Variants in TNNI3K observed in about 807,000 individuals in gnomAD.
TNNI3K encodes TNNI3 interacting kinase.
In TNNI3K, 140 loss-of-function variants were observed where a neutral mutation model predicts 114.5. The ratio of observed to expected loss-of-function variants is 1.22; its 90% CI spans 1.07 to 1.41. TNNI3K has a LOEUF of 1.41. Among genes scored for constraint, TNNI3K ranks in the 40% most tolerant of loss-of-function variants. The pLI, the probability that TNNI3K is intolerant of heterozygous loss-of-function variation, is 0.00. For missense variants in TNNI3K, 1,125 were observed against 1,007.6 expected (o/e 1.12, Z -1.58); for synonymous variants, 347 against 347.5 (o/e 1.00, Z 0.02).
intron 7 of TNNI3K, among the ~76,000 whole-genome samples, chr1:74,341,316 G>C (rs1486804890): frequency 6.6e-6 from 1 of 152,108 alleles, no homozygotes; most frequent in Non-Finnish European, 1.5e-5. Context: ...ATGGACATTA[G>C]TAAAAAGGTT....
At chr1:74,259,361 T>C (rs1212254360) in intron 4 of TNNI3K, among the ~76,000 whole-genome samples, 1 of 152,206 alleles carries the variant, frequency 6.6e-6, no homozygotes, top group African/African-American at 2.4e-5. Context: ...GAGGGCAGAA[T>C]ATGGATGTCT....
chr1:74,436,599 G>T, intron 19 of TNNI3K, 73 bp downstream of exon 19: 4 of 1,475,274 alleles, frequency 2.7e-6, no homozygotes, highest in Middle Eastern at 1.8e-4. Flanking sequence ...GAGGACGTAA[G>T]ATGAGAGCAG....
chr1:74,467,445 G>T (rs1667727190), intron 21 of TNNI3K, among the ~76,000 whole-genome samples: 5 of 151,828 alleles, frequency 3.3e-5, no homozygotes, highest in Admixed American at 3.3e-4. Flanking sequence ...ATTGAGGAGA[G>T]TAAGAAGAAT....
At position 74,349,565 on chromosome 1, in the gene TNNI3K, C is replaced by T. The variant is rs542301981; in HGVS notation, c.933-3701C>T. 3.3e-5 allele frequency among the ~76,000 whole-genome samples: 5 copies of T among 152,270 alleles called. No homozygotes were observed. The East Asian group carries it at 9.6e-4, about 29-fold the overall frequency. ...GGAATGGTACCAGCTCCTCCTTGTACCTCTGGTAGAATTCGGCTGTGAATC... is the reference window on the plus strand; with the variant it reads ...GGAATGGTACCAGCTCCTCCTTGTATCTCTGGTAGAATTCGGCTGTGAATC... On this transcript the variant is annotated intron_variant, in intron 9 of 24. Coordinates refer to ENST00000326637, the MANE Select transcript of TNNI3K (RefSeq NM_015978.3).
intron 23 of TNNI3K, among the ~76,000 whole-genome samples, chr1:74,501,352 TA>T (rs1365904484): frequency 3.3e-5 from 5 of 152,204 alleles, no homozygotes; most frequent in Non-Finnish European, 7.3e-5. Flanking sequence ...CAGGAGAGTT[TA>T]AAAAAAGCTG....
chr1:74,417,867 A>C (rs903729180), intron 17 of TNNI3K, among the ~76,000 whole-genome samples: 3 of 152,072 alleles, frequency 2.0e-5, no homozygotes, highest in Non-Finnish European at 4.4e-5. Context: ...TAGATTTGAA[A>C]GTTTTTAAGT....
At chr1:74,475,128 AC>A (rs1438861018) in intron 21 of TNNI3K, among the ~76,000 whole-genome samples, 5 of 150,914 alleles carry the variant, frequency 3.3e-5, no homozygotes, top group African/African-American at 1.2e-4. Context: ...ACACACACAC[AC>A]ACACACACAC....
chr1:74,409,235 T>G (rs1035559388), intron 17 of TNNI3K, among the ~76,000 whole-genome samples: 1 of 152,116 alleles, frequency 6.6e-6, no homozygotes, highest in Non-Finnish European at 1.5e-5. Context: ...CAGAACCCAG[T>G]ATTCAAACCT....
chr1:74,246,843 G>GA (rs1161142105), intron 2 of TNNI3K, among the ~76,000 whole-genome samples: 2 of 152,106 alleles, frequency 1.3e-5, no homozygotes, highest in Non-Finnish European at 2.9e-5. Flanking sequence ...TTTCAAAGTG[G>GA]AAAAAATCAT....
intron 5 of TNNI3K, among the ~76,000 whole-genome samples, chr1:74,274,083 G>C (rs2100899632): frequency 6.6e-6 from 1 of 151,862 alleles, no homozygotes; most frequent in Middle Eastern, 3.4e-3. Flanking sequence ...CTGCTGATTG[G>C]AAGCCTTATT....
At chr1:74,430,674 G>A (rs893317899) in intron 17 of TNNI3K, among the ~76,000 whole-genome samples, 1 of 152,088 alleles carries the variant, frequency 6.6e-6, no homozygotes, top group African/African-American at 2.4e-5. Context: ...GTGAAAGACA[G>A]ACACTTCAAA....
chr1:74,249,153 C>T (rs377594789), intron 2 of TNNI3K, among the ~76,000 whole-genome samples: 32 of 151,098 alleles, frequency 2.1e-4, no homozygotes, highest in African/African-American at 7.8e-4. Flanking sequence ...CTTGGTTTTA[C>T]TTGTCTTTAA....
chr1:74,345,612 C>T (rs938898836), intron 9 of TNNI3K, among the ~76,000 whole-genome samples: 7 of 152,080 alleles, frequency 4.6e-5, no homozygotes, highest in Non-Finnish European at 1.0e-4. Flanking sequence ...TTTTCTAGAA[C>T]CAAGTCCCTA....
In TNNI3K at chr1:74,332,870, A is replaced by G. The variant is rs578138761; in HGVS notation, c.543+1322A>G. ...TAACTCTAAAGTCTGCTGATTTTCA[A>G]CCTTAACATATCAAAAGACAAAATT... On this transcript the variant is annotated intron_variant, in intron 6 of 24. Coordinates refer to ENST00000326637, the MANE Select transcript of TNNI3K (RefSeq NM_015978.3). Among the ~76,000 whole-genome samples the G allele has an allele frequency of 4.2e-4, 64 of 151,622 alleles. 1 individual carries two copies. In the South Asian group the frequency reaches 0.013, roughly 30 times the overall value.
intron 5 of TNNI3K, among the ~76,000 whole-genome samples, chr1:74,302,094 G>C (rs1658363011): frequency 6.6e-6 from 1 of 152,182 alleles, no homozygotes; most frequent in African/African-American, 2.4e-5. Flanking sequence ...ATTTCTAAAA[G>C]CCTGTACTCA....
intron 17 of TNNI3K, among the ~76,000 whole-genome samples, chr1:74,406,211 G>A (rs983257235): frequency 1.3e-5 from 2 of 152,196 alleles, no homozygotes; most frequent in African/African-American, 4.8e-5. Flanking sequence ...ATCCTCTAGA[G>A]TAAGCTTGTC....
At chr1:74,323,144 T>C (rs1308171260) in intron 5 of TNNI3K, among the ~76,000 whole-genome samples, 1 of 152,170 alleles carries the variant, frequency 6.6e-6, no homozygotes, top group Admixed American at 6.5e-5. Flanking sequence ...TTTACAAATA[T>C]GCTGGTAATA....
chr1:74,517,748 T>G (rs1646369851), intron 23 of TNNI3K, among the ~76,000 whole-genome samples: 1 of 152,148 alleles, frequency 6.6e-6, no homozygotes, highest in Non-Finnish European at 1.5e-5. Flanking sequence ...ACATCTTAGT[T>G]CATCGTCTCA....
chr1:74,528,948 A>G (rs1399160), intron 23 of TNNI3K, among the ~76,000 whole-genome samples: 140,200 of 152,218 alleles, frequency 0.92, 64,832 homozygotes, highest in Non-Finnish European at 0.96. Flanking sequence ...AGAAAGGAGA[A>G]AGATACAAAG....
Sources: gnomAD v4.1 joint callset for allele counts (sites outside exome capture counted in the v4.1 genomes callset) on GRCh38, gnomAD v4.1.1 for gene constraint, MANE v1.5 for transcripts, NCBI Gene and HGNC (gene_info 2026-07-23, HGNC 2026-07-21) for gene names.